TMC1: variants seen among roughly 807,000 people sequenced by gnomAD.
TMC1 encodes transmembrane channel like 1, also known as transmembrane channel-like protein 1.
TMC1 carries 84 observed loss-of-function variants against 105.8 expected under a neutral mutation model. The ratio of observed to expected loss-of-function variants is 0.79; its 90% CI spans 0.67 to 0.95. TMC1 has a LOEUF of 0.95. Among genes scored for constraint, TMC1 ranks in the 40% least tolerant of loss-of-function variants. The probability of loss-of-function intolerance (pLI) is 0.00; values close to 1 mark genes in which losing one functional copy is unlikely to be tolerated. For missense variants in TMC1, 817 were observed against 914.1 expected (o/e 0.89, Z 1.37); for synonymous variants, 315 against 311.5 (o/e 1.01, Z -0.12).
At chr9:72,585,765 C>T (rs909194301) in intron 2 of TMC1, among the ~76,000 whole-genome samples, 2 of 152,152 alleles carry the variant, frequency 1.3e-5, no homozygotes, top group East Asian at 1.9e-4. Flanking sequence ...GGTGAGTTGA[C>T]GAGGAGCCAT....
In TMC1 at chr9:72,725,343, A is replaced by G. The variant is rs1240247830; in HGVS notation, c.363-14776A>G. On this transcript the variant is annotated intron_variant, in intron 8 of 23. Transcript: ENST00000297784. ...TGTGTATGTATATATATATATATATATATATATATATATATATATATATAT... is the reference window on the plus strand; with the variant it reads ...TGTGTATGTATATATATATATATATGTATATATATATATATATATATATAT... Among the ~76,000 whole-genome samples the G allele has an allele frequency of 8.6e-4, 81 of 94,456 alleles. 1 individual carries two copies. Among genetic ancestry groups the G allele is most frequent in the African/African-American group, 2.1e-3 (48 of 22,464 alleles). The allele number at this position is 94,456 out of a possible 152,430, so 62.0% of individuals were successfully genotyped here. A position where few individuals can be genotyped will look rare whatever the true frequency, so the allele number is the denominator to read the frequency against.
intron 11 of TMC1, 45 bp from the exon 12 acceptor site, chr9:72,754,741 A>G (rs1285153815): frequency 6.9e-7 from 1 of 1,458,922 alleles, no homozygotes; most frequent in East Asian, 2.3e-5. Context: ...TGTGGCTCAG[A>G]CTTTGTTTCT....
At chr9:72,585,108 A>G (rs1824534083) in intron 2 of TMC1, among the ~76,000 whole-genome samples, 1 of 146,796 alleles carries the variant, frequency 6.8e-6, no homozygotes, top group Non-Finnish European at 1.5e-5. Context: ...AAGGGGTGTC[A>G]TTGGGGCTTC....
chr9:72,625,091 C>G (rs377228249), intron 3 of TMC1, among the ~76,000 whole-genome samples: 1 of 152,078 alleles, frequency 6.6e-6, no homozygotes. Flanking sequence ...TGTCTCCTCC[C>G]CTTGAATCTA....
At chr9:72,737,386 G>A (rs574347072) in intron 8 of TMC1, among the ~76,000 whole-genome samples, 8 of 152,252 alleles carry the variant, frequency 5.3e-5, no homozygotes, top group African/African-American at 1.9e-4. Flanking sequence ...CCTTGTTCTT[G>A]CCACCATCTT....
At chr9:72,649,147 ATTG>A (rs1030019149) in intron 5 of TMC1, among the ~76,000 whole-genome samples, 3 of 152,192 alleles carry the variant, frequency 2.0e-5, no homozygotes, top group Admixed American at 6.5e-5. Context: ...ATCAAACCCT[ATTG>A]TTGTAGGATA....
chr9:72,549,834 G>C (rs1823831674), intron 1 of TMC1, among the ~76,000 whole-genome samples: 1 of 151,654 alleles, frequency 6.6e-6, no homozygotes, highest in Non-Finnish European at 1.5e-5. Flanking sequence ...GGTTGGTCTC[G>C]AACTCCTGAC....
At chr9:72,691,437 C>A (rs1172308089) in intron 6 of TMC1, among the ~76,000 whole-genome samples, 1 of 152,122 alleles carries the variant, frequency 6.6e-6, no homozygotes, top group Non-Finnish European at 1.5e-5. Flanking sequence ...CCTTTCCCAG[C>A]CTTCAGGAGA....
At chr9:72,822,346 G>T (rs772257402) in intron 20 of TMC1, among the ~76,000 whole-genome samples, 3 of 152,156 alleles carry the variant, frequency 2.0e-5, no homozygotes, top group African/African-American at 7.2e-5. Flanking sequence ...AAAGTCAAAA[G>T]GTTCATTGCT....
chr9:72,667,783 C>T (rs935584858), intron 5 of TMC1, among the ~76,000 whole-genome samples: 1 of 152,206 alleles, frequency 6.6e-6, no homozygotes, highest in Non-Finnish European at 1.5e-5. Flanking sequence ...TTCTCTCTAT[C>T]AATTCTGTCA....
At chr9:72,652,406 A>T (rs1825827550) in intron 5 of TMC1, among the ~76,000 whole-genome samples, 1 of 152,130 alleles carries the variant, frequency 6.6e-6, no homozygotes, top group Non-Finnish European at 1.5e-5. Context: ...ATGACAAGGG[A>T]AGATGGCTAG....
chr9:72,635,645 G>A (rs1361867284), intron 4 of TMC1, among the ~76,000 whole-genome samples: 1 of 152,138 alleles, frequency 6.6e-6, no homozygotes, highest in African/African-American at 2.4e-5. Flanking sequence ...TTTGATTTGG[G>A]AAACTTCGAG....
At chr9:72,665,788 C>CT (rs1156332915) in intron 5 of TMC1, among the ~76,000 whole-genome samples, 4 of 152,176 alleles carry the variant, frequency 2.6e-5, no homozygotes, top group Non-Finnish European at 5.9e-5. Flanking sequence ...TACTAAATTT[C>CT]TCCTGATGTA....
At chr9:72,562,214 T>G (rs7860184) in intron 1 of TMC1, among the ~76,000 whole-genome samples, 1 of 151,898 alleles carries the variant, frequency 6.6e-6, no homozygotes, top group Admixed American at 6.6e-5. Flanking sequence ...ATATATGCTC[T>G]AAGTCAAGGG....
Position 72,740,128 on chromosome 9 carries a change from A to C in TMC1, c.372A>C (p.Lys124Asn), listed in dbSNP as rs1451893116. 1.2e-6 allele frequency: 2 copies of C among 1,613,598 alleles called. No homozygotes were observed. Among genetic ancestry groups the C allele is most frequent in the Non-Finnish European group, 1.7e-6 (2 of 1,179,684 alleles). Residue 124 changes from lysine to asparagine, a missense_variant, in exon 9 of 24, where the codon AAA becomes AAC. By Grantham distance (94) the Lys-to-Asn change is moderately conservative (BLOSUM62 0). Transcript: ENST00000297784. ...ATTTTTATTTTCTCAGGGAGGCAAA[A>C]AAATTTGTGAGTGAAAATGAAGGGG... ...EKKIEVLKEAKKFVSENEGAL... is the reference protein window; with the variant it reads ...EKKIEVLKEANKFVSENEGAL...
intron 7 of TMC1, among the ~76,000 whole-genome samples, chr9:72,700,091 T>TATAAAAATATAAAAATA (rs1826616962): frequency 1.3e-5 from 2 of 149,734 alleles, no homozygotes; most frequent in South Asian, 4.2e-4. Flanking sequence ...CCCATCTCTA[T>TATAAAAATATAAAAATA]TAAAAATATA....
intron 12 of TMC1, among the ~76,000 whole-genome samples, chr9:72,755,198 A>G (rs1187633330): frequency 6.6e-6 from 1 of 152,188 alleles, no homozygotes; most frequent in Non-Finnish European, 1.5e-5. Flanking sequence ...TTATATGGGA[A>G]TATAGACTAC....
rs531366457 is a variant in TMC1 at position 72,772,938 on chromosome 9, G to A, written c.884+383G>A. On this transcript the variant is annotated intron_variant, in intron 13 of 23. Coordinates refer to ENST00000297784, the MANE Select transcript of TMC1 (RefSeq NM_138691.3). The stretch of plus-strand genomic sequence containing the variant: ...GTAACTTGCAGAATCAGCTCAATAG[G>A]CAGAATCTATTGTTCTCTGCTCATT... 2.0e-5 allele frequency among the ~76,000 whole-genome samples: 3 copies of A among 152,174 alleles called. No individual in the cohort carries two copies. In the East Asian group the frequency reaches 5.8e-4, roughly 29 times the overall value.
At chr9:72,783,204 C>T (rs1456490007) in intron 13 of TMC1, among the ~76,000 whole-genome samples, 2 of 151,996 alleles carry the variant, frequency 1.3e-5, no homozygotes, top group African/African-American at 4.8e-5. Flanking sequence ...CACATGATCA[C>T]AAGGTGAAGT....
Sources: allele counts gnomAD v4.1 joint callset (sites outside exome capture counted in the v4.1 genomes callset), GRCh38; gene constraint gnomAD v4.1.1; transcripts MANE v1.5; gene names NCBI Gene and HGNC (gene_info 2026-07-23, HGNC 2026-07-21).